The following PEX11A variants were observed in gnomAD, a reference collection of about 807,000 sequenced individuals.
PEX11A encodes peroxisomal membrane protein 11A.
Under a neutral mutation model 14.4 loss-of-function variants are expected in PEX11A, and 13 were observed. The observed-to-expected ratio is 0.90, with a 90% CI of 0.59 to 1.43. The LOEUF (loss-of-function observed/expected upper bound fraction) is 1.43. PEX11A is among the 40% of genes most tolerant of loss of function. The probability of loss-of-function intolerance (pLI) is 0.00; values close to 1 mark genes in which losing one functional copy is unlikely to be tolerated. For synonymous variants in PEX11A, 101 were observed against 113.0 expected (o/e 0.89, Z 0.67); for missense variants, 290 against 302.8 (o/e 0.96, Z 0.31).
chr15:89,685,303 G>C (rs1295887981), intron 2 of PEX11A, among the ~76,000 whole-genome samples: 1 of 149,016 alleles, frequency 6.7e-6, no homozygotes, highest in Non-Finnish European at 1.5e-5. Flanking sequence ...TTAGTATATA[G>C]ATTCTGGGTT....
At position 89,686,424 on chromosome 15, in the gene PEX11A, T is replaced by C. The variant is rs200333268; in HGVS notation, c.172+7A>G. On this transcript the variant is annotated splice_region_variant and intron_variant, in intron 2 of 2. Transcript: ENST00000300056. ...AGTCACTGTCCCTCAAGAAACAGGGTACTTACATTTACGACCAGTGCTCAC... is the reference window on the plus strand; with the variant it reads ...AGTCACTGTCCCTCAAGAAACAGGGCACTTACATTTACGACCAGTGCTCAC... The C allele has an allele frequency of 1.1e-5, 14 of 1,221,608 alleles. No individual in the cohort carries two copies. Among genetic ancestry groups the C allele is most frequent in the Admixed American group, 8.5e-5 (5 of 58,502 alleles). 75.7% of individuals were successfully genotyped at this position (1,221,608 alleles called of 1,614,324 possible).
chr15:89,690,145 T>G (rs920444367), intron 1 of PEX11A, among the ~76,000 whole-genome samples: 1 of 151,932 alleles, frequency 6.6e-6, no homozygotes, highest in Non-Finnish European at 1.5e-5. Context: ...AAAAGAGAGA[T>G]ATTTGAAGTC....
intron 1 of PEX11A, among the ~76,000 whole-genome samples, chr15:89,690,275 T>G (rs1315185088): frequency 6.6e-6 from 1 of 152,150 alleles, no homozygotes; most frequent in Non-Finnish European, 1.5e-5. Flanking sequence ...AGAGCAAAGT[T>G]AGGAGGGGAG....
In PEX11A at chr15:89,683,697, T is replaced by C; in HGVS notation, c.424A>G (p.Ile142Val). The C allele has an allele frequency of 4.3e-6, 7 of 1,614,042 alleles. No homozygotes were observed. The highest frequency in any genetic ancestry group is 1.1e-5 in the South Asian group (1 of 91,072). The change falls in exon 3 of 3, where the codon ATC becomes GTC. Residue 142 changes from isoleucine to valine, a missense_variant. Coordinates refer to ENST00000300056, the MANE Select transcript of PEX11A (RefSeq NM_003847.3). ...GTAACTCGTTTCATCTGCAGGGAGA[T>C]TTCATACAGATCCCTGACCAGGCTC... ...LLSLVRDLYE[I>V]SLQMKRVTCD...
chr15:89,688,146 G>A, intron 1 of PEX11A: 1 of 538,418 alleles, frequency 1.9e-6, no homozygotes, highest in Non-Finnish European at 3.7e-6. Flanking sequence ...TGCTTTCCCT[G>A]GGCATACAGA....
chr15:89,686,358 C>G, intron 2 of PEX11A, 73 bp downstream of exon 2: 1 of 718,170 alleles, frequency 1.4e-6, no homozygotes, highest in East Asian at 2.5e-5. Context: ...AGAAATTACT[C>G]CGTGAATTAC....
At chr15:89,690,417 A>C (rs1051579374) in intron 1 of PEX11A, among the ~76,000 whole-genome samples, 160 bp downstream of exon 1, 1 of 152,148 alleles carries the variant, frequency 6.6e-6, no homozygotes, top group African/African-American at 2.4e-5. Flanking sequence ...ATTTAGGGTA[A>C]GGAGGGGCTC....
rs953301164 is a variant in PEX11A at position 89,683,880 on chromosome 15, C to T, written c.241G>A (p.Val81Ile). The change falls in exon 3 of 3, where the codon GTA becomes ATA. Residue 81 changes from valine (V) to isoleucine (I), a missense_variant. Val to Ile is a conservative substitution (Grantham distance 29, BLOSUM62 3). Transcript: ENST00000300056. ...GCTAATGTTAAGCATAAGCGAGGTA[C>T]CAGGTCAGTGGCATGAATGCTCTGC... ...TEQSIHATDL[V>I]PRLCLTLANL... The T allele has an allele frequency of 3.1e-6, 5 of 1,613,878 alleles. No homozygotes were observed. The highest frequency in any genetic ancestry group is 4.2e-6 in the Non-Finnish European group (5 of 1,179,866).
chr15:89,681,877 C>CA lies in PEX11A; in HGVS notation c.*1499dup, dbSNP rs1478161997. 3.4e-5 allele frequency: 8 copies of CA among 234,610 alleles called. No individual in the cohort carries two copies. Among genetic ancestry groups the CA allele is most frequent in the Non-Finnish European group, 5.9e-5 (7 of 119,036 alleles). The allele number at this position is 234,610 out of a possible 1,614,324, so 14.5% of individuals were successfully genotyped here. On this transcript the variant is annotated 3_prime_UTR_variant, in exon 3 of 3. Coordinates refer to ENST00000300056, the MANE Select transcript of PEX11A (RefSeq NM_003847.3). ...TCCTATTTCTCTACCTCACCTCCCTCAAACTAAAGGATCTGTAACCACATA... is the reference window on the plus strand; with the variant it reads ...TCCTATTTCTCTACCTCACCTCCCTCAAAACTAAAGGATCTGTAACCACATA...
intron 1 of PEX11A, among the ~76,000 whole-genome samples, chr15:89,689,153 C>T (rs763520910): frequency 6.6e-6 from 1 of 152,162 alleles, no homozygotes; most frequent in East Asian, 1.9e-4. Flanking sequence ...AAAAACCTAT[C>T]AAACTAATGA....
chr15:89,688,265 T>C (rs1596050137), intron 1 of PEX11A: 1 of 519,952 alleles, frequency 1.9e-6, no homozygotes, highest in South Asian at 1.4e-5. Flanking sequence ...TGAGCATTAT[T>C]GGCACAGAAA....
chr15:89,689,055 C>G (rs554705825), intron 1 of PEX11A, among the ~76,000 whole-genome samples: 1 of 152,258 alleles, frequency 6.6e-6, no homozygotes, highest in East Asian at 1.9e-4. Context: ...ATAAACCCTG[C>G]AGGGTACATT....
At chr15:89,687,957 CTCT>C (rs1357757449) in intron 1 of PEX11A, 2 of 547,388 alleles carry the variant, frequency 3.7e-6, no homozygotes, top group Admixed American at 2.0e-5. Flanking sequence ...TTGGCCCTTT[CTCT>C]TCTTATCTCC....
chr15:89,688,388 AATTATT>A, intron 1 of PEX11A: 1 of 219,064 alleles, frequency 4.6e-6, no homozygotes, highest in South Asian at 6.6e-5. Context: ...ACATATCTTA[AATTATT>A]ATTATTATTA....
At chr15:89,688,040 T>G (rs543527103) in intron 1 of PEX11A, 1 of 538,342 alleles carries the variant, frequency 1.9e-6, no homozygotes, top group East Asian at 5.0e-5. Context: ...CTCAACACAC[T>G]CAAGCTTTAG....
intron 2 of PEX11A, among the ~76,000 whole-genome samples, chr15:89,685,652 C>A (rs1964666541): frequency 6.6e-6 from 1 of 152,008 alleles, no homozygotes; most frequent in Non-Finnish European, 1.5e-5. Context: ...TCCTCTAAAA[C>A]ACCTTTCTTT....
chr15:89,683,582 A>C lies in PEX11A; in HGVS notation c.539T>G (p.Phe180Cys), dbSNP rs148095433. The C allele has an allele frequency of 2.7e-5, 44 of 1,614,162 alleles. No individual in the cohort carries two copies. In the East Asian group the frequency reaches 9.8e-4, roughly 36 times the overall value. The change falls in exon 3 of 3, where the codon TTT becomes TGT. Residue 180 changes from phenylalanine (F) to cysteine (C), a missense_variant. Coordinates refer to ENST00000300056, the MANE Select transcript of PEX11A (RefSeq NM_003847.3). Reference sequence around the variant, plus strand: ...CAGAGATCGGAATAAAAGAAGTAGAAAGGATTGGAGCCATTCTGTTTCCTC... The same window carrying C: ...CAGAGATCGGAATAAAAGAAGTAGACAGGATTGGAGCCATTCTGTTTCCTC... The part of the protein sequence containing the change: ...AEEETEWLQS[F>C]LLLLFRSLKQ...
chr15:89,687,989 G>T (rs1964701751), intron 1 of PEX11A: 3 of 551,078 alleles, frequency 5.4e-6, no homozygotes. Flanking sequence ...CAAAATGCTG[G>T]CATCTTTTAA....
At position 89,690,164 on chromosome 15, in the gene PEX11A, T is replaced by C. The variant is rs552354091; in HGVS notation, c.56+413A>G. Among the ~76,000 whole-genome samples the C allele has an allele frequency of 6.6e-5, 10 of 152,200 alleles. No homozygotes were observed. The East Asian group carries it at 1.9e-3, about 29-fold the overall frequency. On this transcript the variant is annotated intron_variant, in intron 1 of 2. Transcript: ENST00000300056. ...GAGAGATATTTGAAGTCACACCAAGTGGTTTGCTTCCCTAGCCACAAATAC... is the reference window on the plus strand; with the variant it reads ...GAGAGATATTTGAAGTCACACCAAGCGGTTTGCTTCCCTAGCCACAAATAC...
Sources: allele counts gnomAD v4.1 joint callset (sites outside exome capture counted in the v4.1 genomes callset), GRCh38; gene constraint gnomAD v4.1.1; transcripts MANE v1.5; gene names NCBI Gene and HGNC (gene_info 2026-07-23, HGNC 2026-07-21).